KIAA0319: variants seen among roughly 807,000 people sequenced by gnomAD.
The protein encoded by KIAA0319 is KIAA0319.
A neutral mutation model predicts 108.4 loss-of-function variants in KIAA0319; 83 were observed. That is an observed-to-expected ratio of 0.77 (90% CI 0.64 to 0.92). KIAA0319 has a LOEUF of 0.92. Ranked by LOEUF, KIAA0319 falls within the 40% of genes least tolerant of loss-of-function variation. KIAA0319 has a pLI of 0.00. For synonymous variants in KIAA0319, 484 were observed against 510.4 expected, an observed-to-expected ratio of 0.95 and a Z score of 0.70; for missense variants, 1,195 against 1,322.4, an observed-to-expected ratio of 0.90 and a Z score of 1.49.
At chr6:24,608,014 C>A (rs912342763) in intron 1 of KIAA0319, among the ~76,000 whole-genome samples, 3 of 151,968 alleles carry the variant, frequency 2.0e-5, no homozygotes, top group Non-Finnish European at 4.4e-5. Context: ...AAATTATATC[C>A]ACATCGCTTC....
Position 24,599,217 on chromosome 6 carries a change from C to A in KIAA0319, c.55+1832G>T. The A allele has an allele frequency of 5.8e-6, 3 of 515,182 alleles. 1 individual carries two copies. The highest frequency in any genetic ancestry group is 4.1e-5 in the South Asian group (2 of 49,030). The allele number at this position is 515,182 out of a possible 1,614,324, so 31.9% of individuals were successfully genotyped here. A position where few individuals can be genotyped will look rare whatever the true frequency, so the allele number is the denominator to read the frequency against. On this transcript the variant is annotated intron_variant, in intron 2 of 20. Coordinates refer to ENST00000378214, the MANE Select transcript of KIAA0319 (RefSeq NM_014809.4). The surrounding 1 kb of genome is among the most constrained non-coding windows in gnomAD (Gnocchi z 4.1). ...CCTGTACCAGGTCAAGTATGAGGAG[C>A]TGCAGGCACTGGCTGGGAAGCACAG...
At chr6:24,552,392 A>G (rs541668975) in intron 19 of KIAA0319, among the ~76,000 whole-genome samples, 1 of 152,332 alleles carries the variant, frequency 6.6e-6, no homozygotes, top group African/African-American at 2.4e-5. Flanking sequence ...TATCACTACT[A>G]GCATCATCAT....
At chr6:24,637,623 G>A (rs1776370972) in intron 1 of KIAA0319, among the ~76,000 whole-genome samples, 1 of 152,142 alleles carries the variant, frequency 6.6e-6, no homozygotes, top group South Asian at 2.1e-4. Flanking sequence ...GAGAAATAAA[G>A]TTTATATTCG....
intron 4 of KIAA0319, 75 bp from the exon 5 acceptor site, chr6:24,583,777 T>A: frequency 1.1e-6 from 1 of 897,962 alleles, no homozygotes; most frequent in Non-Finnish European, 1.8e-6. Flanking sequence ...ACTAGATCTG[T>A]TTTTGGTATC....
intron 12 of KIAA0319, 135 bp downstream of exon 12, chr6:24,569,768 C>T (rs1764418906): frequency 2.0e-6 from 2 of 994,118 alleles, no homozygotes; most frequent in South Asian, 3.4e-5. Flanking sequence ...TAACGCCCAG[C>T]CACTTCTAGA....
intron 16 of KIAA0319, among the ~76,000 whole-genome samples, chr6:24,559,702 CCTT>C (rs773464685): frequency 5.3e-5 from 8 of 151,336 alleles, no homozygotes; most frequent in African/African-American, 7.3e-5. Flanking sequence ...TTTCTTTTTA[CCTT>C]TTTTTGATTG....
chr6:24,607,592 C>G (rs1462312639), intron 1 of KIAA0319, among the ~76,000 whole-genome samples: 1 of 152,108 alleles, frequency 6.6e-6, no homozygotes, highest in African/African-American at 2.4e-5. Flanking sequence ...CCCTTGTATT[C>G]TGGAATCACT....
At chr6:24,579,730 AAAG>A (rs1285487206) in intron 8 of KIAA0319, 125 bp downstream of exon 8, 2 of 666,936 alleles carry the variant, frequency 3.0e-6, no homozygotes, top group Non-Finnish European at 5.0e-6. Flanking sequence ...ACATAAAACT[AAAG>A]AAGGAGGTGA....
At chr6:24,550,862 T>A (rs967429219) in intron 20 of KIAA0319, among the ~76,000 whole-genome samples, 4 of 152,198 alleles carry the variant, frequency 2.6e-5, no homozygotes, top group African/African-American at 9.7e-5. Flanking sequence ...ACATTTCATA[T>A]CCCTCATCCA....
intron 3 of KIAA0319, among the ~76,000 whole-genome samples, chr6:24,594,198 CAAAAAAAAAAAAAAAAAAAAAAAAAAAAA>C (rs761107947): frequency 9.2e-5 from 5 of 54,406 alleles, no homozygotes; most frequent in East Asian, 7.1e-4. Context: ...GACTCTGTCT[CAAAAAAAAAAAAAAAAAAAAAAAAAAAAA>C]AAAAAAAAAA....
chr6:24,547,573 G>C (rs1379220732), intron 20 of KIAA0319, among the ~76,000 whole-genome samples: 2 of 152,122 alleles, frequency 1.3e-5, no homozygotes, highest in African/African-American at 4.8e-5. Flanking sequence ...GCTTGAGCCT[G>C]GGCAAGATAC....
At chr6:24,609,278 A>AC (rs1180008395) in intron 1 of KIAA0319, among the ~76,000 whole-genome samples, 3 of 150,218 alleles carry the variant, frequency 2.0e-5, no homozygotes, top group African/African-American at 4.9e-5. Context: ...AAAAACAAAA[A>AC]AAAAAAAAAA....
At chr6:24,565,779 A>G (rs1359139105) in intron 14 of KIAA0319, among the ~76,000 whole-genome samples, 2 of 150,974 alleles carry the variant, frequency 1.3e-5, no homozygotes, top group Non-Finnish European at 3.0e-5. Context: ...AAAAAAGAAC[A>G]AAAGAAATGG....
chr6:24,623,210 T>C (rs1182999159), intron 1 of KIAA0319, among the ~76,000 whole-genome samples: 1 of 151,952 alleles, frequency 6.6e-6, no homozygotes, highest in Non-Finnish European at 1.5e-5. Context: ...ATTCCCCTAG[T>C]GTGCACATGA....
intron 16 of KIAA0319, 96 bp from the exon 17 acceptor site, chr6:24,559,251 T>C (rs576045359): frequency 1.4e-6 from 2 of 1,386,752 alleles, no homozygotes; most frequent in Admixed American, 4.3e-5. Flanking sequence ...ACTGGGGAGG[T>C]AGACGGCTAC....
chr6:24,555,117 C>T (rs1050799723), intron 18 of KIAA0319, among the ~76,000 whole-genome samples: 1 of 152,202 alleles, frequency 6.6e-6, no homozygotes, highest in Non-Finnish European at 1.5e-5. Context: ...ATTCCTTCCA[C>T]ATCCTTACAG....
intron 1 of KIAA0319, among the ~76,000 whole-genome samples, chr6:24,635,167 G>A (rs951856108): frequency 7.4e-5 from 11 of 148,934 alleles, no homozygotes; most frequent in African/African-American, 2.5e-4. Context: ...GTTCAATGGT[G>A]TGATCTTAGC....
Position 24,595,974 on chromosome 6 carries a change from C to G in KIAA0319, c.700G>C (p.Val234Leu), listed in dbSNP as rs770022917. ...GGAGTAGTCGGCAAGGGAAGCAACA[C>G]ACTTCTCTCAGGGAGTTTTGGGGCA... is the stretch of plus-strand genomic sequence containing the variant. Reference protein sequence around the residue: ...TPAPKLPERSVLLPLPTTPSS... With the variant: ...TPAPKLPERSLLLPLPTTPSS... The change falls in exon 3 of 21, where the codon GTG (valine) becomes CTG (leucine). Residue 234 changes from valine to leucine, a missense_variant. Coordinates refer to ENST00000378214, the MANE Select transcript of KIAA0319 (RefSeq NM_014809.4). 1.2e-6 allele frequency: 2 copies of G among 1,614,210 alleles called. No homozygotes were observed. The highest frequency in any genetic ancestry group is 1.7e-6 in the Non-Finnish European group (2 of 1,180,030).
intron 3 of KIAA0319, among the ~76,000 whole-genome samples, chr6:24,591,109 A>G (rs1768397781): frequency 6.6e-6 from 1 of 152,272 alleles, no homozygotes; most frequent in Middle Eastern, 3.4e-3. Flanking sequence ...TTTATCCTCT[A>G]CAAGTTTGAT....
Sources: allele counts gnomAD v4.1 joint callset (sites outside exome capture counted in the v4.1 genomes callset), GRCh38; gene constraint gnomAD v4.1.1; non-coding constraint Gnocchi (gnomAD v3.1); transcripts MANE v1.5; gene names NCBI Gene and HGNC (gene_info 2026-07-23, HGNC 2026-07-21).